Variants in ZKSCAN7 observed in about 807,000 individuals in gnomAD.
ZKSCAN7 encodes zinc finger protein with KRAB and SCAN domains 7.
ZKSCAN7 carries 38 observed loss-of-function variants against 65.3 expected under a neutral mutation model. That is an observed-to-expected ratio of 0.58 (90% CI 0.45 to 0.76). The LOEUF (loss-of-function observed/expected upper bound fraction) is 0.76. Among genes scored for constraint, ZKSCAN7 ranks in the 30% least tolerant of loss-of-function variants. ZKSCAN7 has a pLI of 0.00. For synonymous variants in ZKSCAN7, 321 were observed against 321.0 expected (o/e 1.00, Z 0.00); for missense variants, 815 against 913.3 (o/e 0.89, Z 1.39).
At chr3:44,579,478 C>G (rs796715053) in intron 5 of ZKSCAN7, among the ~76,000 whole-genome samples, 1 of 152,220 alleles carries the variant, frequency 6.6e-6, no homozygotes, top group South Asian at 2.1e-4. Flanking sequence ...CCGGCTCCCC[C>G]GGCTCTGCCT....
intron 5 of ZKSCAN7, among the ~76,000 whole-genome samples, chr3:44,568,894 C>G (rs992339792): frequency 6.6e-6 from 1 of 152,208 alleles, no homozygotes; most frequent in Non-Finnish European, 1.5e-5. Flanking sequence ...TCCTCCTCCT[C>G]TTGCCCATTT....
chr3:44,558,610 C>T (rs1699368873), intron 2 of ZKSCAN7, among the ~76,000 whole-genome samples: 1 of 151,740 alleles, frequency 6.6e-6, no homozygotes, highest in Admixed American at 6.6e-5. Flanking sequence ...AAGTCTGAAA[C>T]CCATAGGCAG....
chr3:44,580,810 A>T, intron 5 of ZKSCAN7: 1 of 1,613,074 alleles, frequency 6.2e-7, no homozygotes, highest in African/African-American at 1.3e-5. Flanking sequence ...AGGATGAAGA[A>T]CTGTCGCTGC....
intron 3 of ZKSCAN7, among the ~76,000 whole-genome samples, chr3:44,567,220 AGAAAG>A (rs1326210562): frequency 6.6e-6 from 1 of 152,088 alleles, no homozygotes; most frequent in Non-Finnish European, 1.5e-5. Flanking sequence ...GCAAAAGAAA[AGAAAG>A]GAAAGGAAAA....
In ZKSCAN7 at chr3:44,569,144, C is replaced by T. The variant is rs572371711; in HGVS notation, c.811+711C>T. 2.6e-5 allele frequency among the ~76,000 whole-genome samples: 4 copies of T among 152,300 alleles called. No homozygotes were observed. In the East Asian group the frequency reaches 7.7e-4, roughly 29 times the overall value. On this transcript the variant is annotated intron_variant, in intron 5 of 5. Coordinates refer to ENST00000426540, the MANE Select transcript of ZKSCAN7 (RefSeq NM_001288590.2). Reference sequence around the variant, plus strand: ...TCTCATTTGGGCACAGGGGTTTGGCCCAGGCCACAGCAGAGGCTGAAGCCT... The same window carrying T: ...TCTCATTTGGGCACAGGGGTTTGGCTCAGGCCACAGCAGAGGCTGAAGCCT...
chr3:44,579,975 T>G (rs1389621950), intron 5 of ZKSCAN7: 563 of 1,411,768 alleles, frequency 4.0e-4, no homozygotes, highest in Non-Finnish European at 4.9e-4. Flanking sequence ...GAGAGGAGCT[T>G]GGGGGGGGGC....
intron 3 of ZKSCAN7, among the ~76,000 whole-genome samples, chr3:44,566,867 C>G (rs1213888014): frequency 6.6e-6 from 1 of 151,898 alleles, no homozygotes; most frequent in Non-Finnish European, 1.5e-5. Context: ...ACCTGTAATC[C>G]CAGCACTTTG....
chr3:44,570,665 G>C lies in ZKSCAN7; in HGVS notation c.1555G>C (p.Gly519Arg), dbSNP rs1014739255. Residue 519 changes from glycine to arginine, a missense_variant, in exon 6 of 6, where the codon GGT (glycine) becomes CGT (arginine). This residue lies in a region of ZKSCAN7 where 578 missense variants were observed against 629.5 expected (regional missense o/e 0.92). Transcript: ENST00000426540. ...TGCTCGACATCAGGTCCTGCACACT[G>C]GTAAGAAACCTTACAAATGCAATGA... ...SLARHQVLHT[G>R]KKPYKCNECG... 21 of 1,613,926 alleles carry C rather than the reference G, an allele frequency of 1.3e-5. No homozygotes were observed. The Middle Eastern group carries it at 4.9e-4, about 38-fold the overall frequency.
Position 44,571,875 on chromosome 3 carries a change from A to G in ZKSCAN7, c.*500A>G. ...TAGAAAACATTTTCTTCTGTTTGCT[A>G]ATCTTTGTCCCTCACAATTTTTGAA... is the stretch of plus-strand genomic sequence containing the variant. On this transcript the variant is annotated 3_prime_UTR_variant, in exon 6 of 6. Transcript: ENST00000426540. 1.0e-6 allele frequency: 1 copy of G among 987,834 alleles called. No homozygotes were observed. The highest frequency in any genetic ancestry group is 1.7e-5 in the African/African-American group (1 of 57,382). 61.2% of individuals were successfully genotyped at this position (987,834 alleles called of 1,614,324 possible).
At chr3:44,572,849 C>CAAAAAAAAAAAAAAAAAAAAAAA (rs11339297), downstream of ZKSCAN7, among the ~76,000 whole-genome samples, 123 of 72,404 alleles carry the variant, frequency 1.7e-3, 1 homozygote, top group Non-Finnish European at 2.3e-3. Flanking sequence ...GACTCTGTCT[C>CAAAAAAAAAAAAAAAAAAAAAAA]AAAAAAAAAA....
At chr3:44,580,065 C>CCCACTG in intron 5 of ZKSCAN7, 2 of 1,594,800 alleles carry the variant, frequency 1.3e-6, no homozygotes, top group Non-Finnish European at 1.7e-6. Flanking sequence ...TGGCGAGGGC[C>CCCACTG]CCACTGCATT....
chr3:44,581,177 C>G (rs1293901590), intron 5 of ZKSCAN7, among the ~76,000 whole-genome samples: 1 of 146,966 alleles, frequency 6.8e-6, no homozygotes, highest in Non-Finnish European at 1.5e-5. Flanking sequence ...CTGCACGCGC[C>G]GAGGCTCCTG....
chr3:44,556,897 C>G, intron 1 of ZKSCAN7, 33 bp from the exon 2 acceptor site: 1 of 1,063,826 alleles, frequency 9.4e-7, no homozygotes, highest in Non-Finnish European at 1.4e-6. Flanking sequence ...GCTGAATACT[C>G]CAAGAACTCT....
chr3:44,567,526 G>A (rs535663698), intron 3 of ZKSCAN7, among the ~76,000 whole-genome samples: 74 of 152,314 alleles, frequency 4.9e-4, no homozygotes, highest in African/African-American at 1.7e-3. Context: ...GAAAGAACAA[G>A]GAAGCACTAG....
At position 44,578,515 on chromosome 3, in the gene ZKSCAN7, C is replaced by A. The variant is rs140646114; in HGVS notation, c.812-4457C>A. 2.6e-3 allele frequency among the ~76,000 whole-genome samples: 401 copies of A among 152,328 alleles called. 4 individuals carry two copies. The highest frequency in any genetic ancestry group is 9.5e-3 in the African/African-American group (397 of 41,574). ...GCAGGGCCTGCTGCCCGGCCTCCAG[C>A]GCCTGGGCCAGATGGGCATTCTCCA... On this transcript the variant is annotated intron_variant, in intron 5 of 5. Transcript: ENST00000341840.
chr3:44,580,669 A>C, intron 5 of ZKSCAN7: 2 of 1,613,932 alleles, frequency 1.2e-6, no homozygotes, highest in Non-Finnish European at 1.7e-6. Flanking sequence ...GTCAGAATAC[A>C]CAGGGAGAAC....
chr3:44,579,079 C>T (rs886789626), intron 5 of ZKSCAN7, among the ~76,000 whole-genome samples: 34 of 152,334 alleles, frequency 2.2e-4, no homozygotes, highest in African/African-American at 7.7e-4. Context: ...TGGGCACCTG[C>T]TTCTCTTCCC....
chr3:44,569,532 A>G (rs1378843853), intron 5 of ZKSCAN7, among the ~76,000 whole-genome samples: 3 of 152,202 alleles, frequency 2.0e-5, no homozygotes, highest in African/African-American at 7.2e-5. Flanking sequence ...TTTTCTGAGA[A>G]CAATGGAACC....
At chr3:44,558,671 C>T (rs547972815) in intron 2 of ZKSCAN7, among the ~76,000 whole-genome samples, 120 of 152,166 alleles carry the variant, frequency 7.9e-4, no homozygotes, top group African/African-American at 2.8e-3. Context: ...AGCTGCAGTG[C>T]ACAGGTGGAA....
Sources: gnomAD v4.1 joint callset for allele counts (sites outside exome capture counted in the v4.1 genomes callset) on GRCh38, gnomAD v4.1.1 for gene constraint, gnomAD v4.1.1 regional missense constraint, MANE v1.5 for transcripts, NCBI Gene and HGNC (gene_info 2026-07-23, HGNC 2026-07-21) for gene names.